Variants in ZNF277 observed in about 807,000 individuals in gnomAD.
ZNF277 encodes the protein zinc finger protein 277.
ZNF277 carries 55 observed loss-of-function variants against 60.7 expected under a neutral mutation model. The ratio of observed to expected loss-of-function variants is 0.91; its 90% confidence interval spans 0.73 to 1.13. ZNF277 has a LOEUF of 1.13. ZNF277 is among the 50% of genes most tolerant of loss of function. The probability of loss-of-function intolerance (pLI) is 0.00; values close to 1 mark genes in which losing one functional copy is unlikely to be tolerated. For missense variants in ZNF277, 510 were observed against 523.0 expected, an observed-to-expected ratio of 0.98 and a Z score of 0.24; for synonymous variants, 178 against 179.3, an observed-to-expected ratio of 0.99 and a Z score of 0.06.
intron 4 of ZNF277, among the ~76,000 whole-genome samples, chr7:112,300,535 T>C (rs1172972688): frequency 6.6e-6 from 1 of 152,178 alleles, no homozygotes; most frequent in African/African-American, 2.4e-5. Context: ...GGCATGCACA[T>C]CTGTATAACT....
At position 112,342,735 on chromosome 7, in the gene ZNF277, C is replaced by T. The variant is rs1793469724; in HGVS notation, c.*6C>T. ...TGAACCAGTTGCTACTATAAGAGTA[C>T]TTGAAAACCTAGAAGAAACTACCAC... On this transcript the variant is annotated 3_prime_UTR_variant, in exon 12 of 12. Coordinates refer to ENST00000361822, the MANE Select transcript of ZNF277 (RefSeq NM_021994.3). The T allele has an allele frequency of 1.3e-6, 2 of 1,559,658 alleles. No individual in the cohort carries two copies. The highest frequency in any genetic ancestry group is 1.4e-5 in the African/African-American group (1 of 73,034).
intron 1 of ZNF277, among the ~76,000 whole-genome samples, chr7:112,254,543 A>T (rs1319789919): frequency 6.6e-6 from 1 of 152,182 alleles, no homozygotes; most frequent in African/African-American, 2.4e-5. Context: ...CTCTAAGTTT[A>T]TTTATGCTAT....
At chr7:112,310,800 A>G (rs1792713482) in intron 4 of ZNF277, among the ~76,000 whole-genome samples, 1 of 152,090 alleles carries the variant, frequency 6.6e-6, no homozygotes, top group Non-Finnish European at 1.5e-5. Flanking sequence ...GAGAATGCCT[A>G]GCTGGTTCTG....
Position 112,278,906 on chromosome 7 carries a change from C to T in ZNF277, c.92-7967C>T, listed in dbSNP as rs28524708. On this transcript the variant is annotated intron_variant, in intron 1 of 11. Transcript: ENST00000361822. ...ATTAAACAGTAATTCCCCTTTTCCCCACTTTCCCCAGCCCTGGCAACCACC... is the reference window on the plus strand; with the variant it reads ...ATTAAACAGTAATTCCCCTTTTCCCTACTTTCCCCAGCCCTGGCAACCACC... Among the ~76,000 whole-genome samples, 1,279 of 152,236 alleles carry T rather than the reference C, an allele frequency of 8.4e-3. 17 individuals carry two copies. The highest frequency in any genetic ancestry group is 0.029 in the African/African-American group (1,219 of 41,544).
At chr7:112,212,790 G>A (rs1821784655) in intron 1 of ZNF277, among the ~76,000 whole-genome samples, 1 of 152,114 alleles carries the variant, frequency 6.6e-6, no homozygotes, top group Non-Finnish European at 1.5e-5. Flanking sequence ...TTACAACTAT[G>A]TGCTCTGCAA....
intron 6 of ZNF277, among the ~76,000 whole-genome samples, chr7:112,328,853 A>G (rs1584415264): frequency 6.6e-6 from 1 of 152,130 alleles, no homozygotes; most frequent in Non-Finnish European, 1.5e-5. Flanking sequence ...CTGGGCAACA[A>G]GAGCAAAACT....
In ZNF277 at chr7:112,330,227, C is replaced by T. The variant is rs756574526; in HGVS notation, c.801+11C>T. 1.2e-6 allele frequency: 2 copies of T among 1,610,794 alleles called. No homozygotes were observed. Among genetic ancestry groups the T allele is most frequent in the South Asian group, 2.2e-5 (2 of 90,926 alleles). On this transcript the variant is annotated intron_variant, in intron 7 of 11. Coordinates refer to ENST00000361822, the MANE Select transcript of ZNF277 (RefSeq NM_021994.3). Reference sequence around the variant, plus strand: ...GTCATCAATTATTTGGTAAGGCTTTCTTTTCATAACTTAAAATTTGATTGC... The same window carrying T: ...GTCATCAATTATTTGGTAAGGCTTTTTTTTCATAACTTAAAATTTGATTGC...
chr7:112,258,927 C>G (rs115949037), intron 1 of ZNF277, among the ~76,000 whole-genome samples: 65 of 151,998 alleles, frequency 4.3e-4, no homozygotes, highest in African/African-American at 1.6e-3. Flanking sequence ...GTCCCCCTTT[C>G]CATGTTAGCA....
At chr7:112,334,482 A>C (rs75784864) in intron 7 of ZNF277, among the ~76,000 whole-genome samples, 2 of 151,106 alleles carry the variant, frequency 1.3e-5, no homozygotes, top group East Asian at 3.9e-4. Flanking sequence ...GCACTCTAGG[A>C]AACTGGGCCA....
intron 1 of ZNF277, among the ~76,000 whole-genome samples, chr7:112,278,950 G>A (rs1329223394): frequency 6.6e-6 from 1 of 152,052 alleles, no homozygotes; most frequent in African/African-American, 2.4e-5. Context: ...TTCTGCTTCA[G>A]TAAGTTTGAC....
intron 4 of ZNF277, among the ~76,000 whole-genome samples, chr7:112,312,789 T>C (rs1040833068): frequency 6.6e-6 from 1 of 152,102 alleles, no homozygotes; most frequent in Admixed American, 6.6e-5. Context: ...TTATTTAGCT[T>C]CCTGGTTTAC....
chr7:112,285,289 C>T (rs1792039395), intron 1 of ZNF277, among the ~76,000 whole-genome samples: 1 of 151,974 alleles, frequency 6.6e-6, no homozygotes, highest in South Asian at 2.1e-4. Context: ...CTCTGCCTCC[C>T]AAAGTGCTGG....
rs146783334 is a variant in ZNF277, at chr7:112,340,882, C to T, written c.1020C>T (p.Phe340=). 2.4e-4 allele frequency: 392 copies of T among 1,609,238 alleles called. No individual in the cohort carries two copies. The African/African-American group carries it at 4.7e-3, about 19-fold the overall frequency. Residue 340 remains phenylalanine (F), a synonymous_variant, in exon 11 of 12, where the codon TTC becomes TTT. Coordinates refer to ENST00000361822, the MANE Select transcript of ZNF277 (RefSeq NM_021994.3). The stretch of plus-strand genomic sequence containing the variant: ...TTTTGTCATTTTCAGGATTAAATTT[C>T]TATCAGCAAGTGAAACTGGTCAATT... ...LKIKSELGLN[F]YQQVKLVNFI...
intron 1 of ZNF277, among the ~76,000 whole-genome samples, chr7:112,240,437 CAAAG>C (rs1285894741): frequency 2.6e-5 from 4 of 152,060 alleles, no homozygotes; most frequent in Non-Finnish European, 5.9e-5. Context: ...GTTTGTAACA[CAAAG>C]AAAAGATAAA....
intron 5 of ZNF277, among the ~76,000 whole-genome samples, chr7:112,326,290 A>T (rs956056468): frequency 9.9e-5 from 15 of 152,068 alleles, no homozygotes; most frequent in African/African-American, 3.1e-4. Flanking sequence ...ACCTCCCTGA[A>T]TCCAGAGGCA....
intron 4 of ZNF277, among the ~76,000 whole-genome samples, chr7:112,305,357 G>A (rs1792565560): frequency 6.6e-6 from 1 of 152,088 alleles, no homozygotes; most frequent in African/African-American, 2.4e-5. Context: ...CTAAAGACAT[G>A]TAGAGTAATT....
At chr7:112,208,185 G>A (rs1292952053) in intron 1 of ZNF277, among the ~76,000 whole-genome samples, 1 of 151,838 alleles carries the variant, frequency 6.6e-6, no homozygotes, top group Non-Finnish European at 1.5e-5. Context: ...GACCAGCCTG[G>A]CCAATATGGT....
intron 1 of ZNF277, among the ~76,000 whole-genome samples, chr7:112,216,573 C>T (rs1372314850): frequency 2.0e-5 from 3 of 152,086 alleles, no homozygotes; most frequent in Non-Finnish European, 2.9e-5. Flanking sequence ...CCTCATAAAG[C>T]GCTAGGATTT....
chr7:112,265,699 G>A (rs1335675841), intron 1 of ZNF277, among the ~76,000 whole-genome samples: 2 of 152,060 alleles, frequency 1.3e-5, no homozygotes, highest in Non-Finnish European at 2.9e-5. Context: ...TAATGTTAAT[G>A]GTGGTTATTT....
Sources: allele counts gnomAD v4.1 joint callset (sites outside exome capture counted in the v4.1 genomes callset), GRCh38; gene constraint gnomAD v4.1.1; transcripts MANE v1.5; gene names NCBI Gene and HGNC (gene_info 2026-07-23, HGNC 2026-07-21).